The following CAPNS1 variants were observed in gnomAD, a reference collection of about 807,000 sequenced individuals.
The protein encoded by CAPNS1 is CANP small subunit.
CAPNS1 carries 32 observed loss-of-function variants against 39.2 expected under a neutral mutation model. The ratio of observed to expected loss-of-function variants is 0.82; its 90% CI spans 0.62 to 1.10. The LOEUF is 1.10. Among genes scored for constraint, CAPNS1 ranks in the 50% least tolerant of loss-of-function variants. The pLI, the probability that CAPNS1 is intolerant of heterozygous loss-of-function variation, is 0.00. For synonymous variants in CAPNS1, 153 were observed against 136.2 expected (o/e 1.12, Z -0.86); for missense variants, 353 against 373.1 (o/e 0.95, Z 0.44).
At chr19:36,141,729 T>A in intron 2 of CAPNS1, 1 of 487,174 alleles carries the variant, frequency 2.1e-6, no homozygotes, top group Non-Finnish European at 2.7e-6. Context: ...GGGAACTGGC[T>A]GGATTAATGG....
rs1057451123 is a variant in CAPNS1 at position 36,141,033 on chromosome 19, T to C, written c.22T>C (p.Leu8=). 6.3e-6 allele frequency: 10 copies of C among 1,588,300 alleles called. No individual in the cohort carries two copies. The African/African-American group carries it at 9.7e-5, about 15-fold the overall frequency. Residue 8 remains leucine (L), a synonymous_variant, in exon 2 of 11, where the codon TTG becomes CTG. Coordinates refer to ENST00000246533, the MANE Select transcript of CAPNS1 (RefSeq NM_001749.4). The part of the protein sequence containing the change: MFLVNSF[L]KGGGGGGGGG... ...AGCCATGTTCCTGGTTAACTCGTTC[T>C]TGAAGGGCGGCGGCGGCGGCGGCGG...
At chr19:36,146,489 G>A (rs1234459783) in intron 9 of CAPNS1, among the ~76,000 whole-genome samples, 177 bp downstream of exon 9, 2 of 152,210 alleles carry the variant, frequency 1.3e-5, no homozygotes, top group Non-Finnish European at 2.9e-5. Context: ...CAAGTCCCCA[G>A]ACAGTGACAG....
At chr19:36,145,203 C>CTCTTT (rs1974520091) in intron 6 of CAPNS1, among the ~76,000 whole-genome samples, 2 of 118,296 alleles carry the variant, frequency 1.7e-5, no homozygotes, top group African/African-American at 6.5e-5. Context: ...TTTTCTTTCT[C>CTCTTT]TTTTTTTTTT....
At position 36,142,288 on chromosome 19, in the gene CAPNS1, ATC is replaced by A; in HGVS notation, c.210-8_210-7del. 8 of 1,532,200 alleles carry A rather than the reference ATC, an allele frequency of 5.2e-6. No homozygotes were observed. The highest frequency in any genetic ancestry group is 5.3e-6 in the Non-Finnish European group (6 of 1,127,130). 94.9% of individuals were successfully genotyped at this position (1,532,200 alleles called of 1,614,324 possible). The stretch of plus-strand genomic sequence containing the variant: ...CCCCTGGCACTAACCCCTCCCCCTT[ATC>A]TCTTCGCAGCGAGGCGGCTGCGCAG... On this transcript the variant is annotated splice_polypyrimidine_tract_variant and intron_variant, in intron 2 of 10. Transcript: ENST00000246533.
intron 9 of CAPNS1, among the ~76,000 whole-genome samples, chr19:36,147,840 A>C (rs868573080): frequency 6.6e-6 from 1 of 151,812 alleles, no homozygotes; most frequent in Admixed American, 6.6e-5. Flanking sequence ...TGGGAGGCTG[A>C]GGTGGGCGTA....
chr19:36,146,635 A>G (rs1200481435), intron 9 of CAPNS1, among the ~76,000 whole-genome samples: 1 of 152,114 alleles, frequency 6.6e-6, no homozygotes. Context: ...TGCTTGGGGA[A>G]GCCTAGAGGG....
At position 36,149,882 on chromosome 19, in the gene CAPNS1, G is replaced by C. The variant is rs1974715409; in HGVS notation, c.*43G>C. 2 of 1,402,026 alleles carry C rather than the reference G, an allele frequency of 1.4e-6. No homozygotes were observed. Among genetic ancestry groups the C allele is most frequent in the Non-Finnish European group, 1.9e-6 (2 of 1,069,768 alleles). The allele number at this position is 1,402,026 out of a possible 1,614,324, so 86.8% of individuals were successfully genotyped here. A position where few individuals can be genotyped will look rare whatever the true frequency, so the allele number is the denominator to read the frequency against. The stretch of plus-strand genomic sequence containing the variant: ...GCCCCCTCACTGCCTTGCTATAGGA[G>C]TCACCTGGAGCCTCGGTCTCTCCCA... On this transcript the variant is annotated 3_prime_UTR_variant, in exon 11 of 11. Coordinates refer to ENST00000246533, the MANE Select transcript of CAPNS1 (RefSeq NM_001749.4).
chr19:36,146,816 G>A (rs1304606057), intron 9 of CAPNS1, among the ~76,000 whole-genome samples: 5 of 151,842 alleles, frequency 3.3e-5, no homozygotes, highest in Non-Finnish European at 7.4e-5. Context: ...AAAGAAGATG[G>A]GGCTTCTGAT....
In CAPNS1 at chr19:36,146,224, C is replaced by T; in HGVS notation, c.633C>T (p.Asn211=). ...TCCACCTGAATGAGCATCTCTATAA[C>T]ATGATCATCCGACGCTACTCAGATG... ...AGFHLNEHLY[N]MIIRRYSDES... is the part of the protein sequence containing the mutation. The change falls in exon 9 of 11, where the codon AAC becomes AAT. Residue 211 remains asparagine (N), a synonymous_variant. Coordinates refer to ENST00000246533, the MANE Select transcript of CAPNS1 (RefSeq NM_001749.4). The T allele has an allele frequency of 1.2e-6, 2 of 1,613,510 alleles. No individual in the cohort carries two copies. The highest frequency in any genetic ancestry group is 1.1e-5 in the South Asian group (1 of 91,056).
In CAPNS1 at chr19:36,142,752, T is replaced by G; in HGVS notation, c.333+11T>G. 1 of 1,611,696 alleles carries G rather than the reference T, an allele frequency of 6.2e-7. No homozygotes were observed. Among genetic ancestry groups the G allele is most frequent in the Non-Finnish European group, 8.5e-7 (1 of 1,177,778 alleles). On this transcript the variant is annotated intron_variant, in intron 4 of 10. Coordinates refer to ENST00000246533, the MANE Select transcript of CAPNS1 (RefSeq NM_001749.4). ...CAGCTGGCTGGAGATGTAAGTAACC[T>G]GGGGTCCCTGGCCCCGTCCTAACCG...
intron 9 of CAPNS1, among the ~76,000 whole-genome samples, chr19:36,147,025 T>G (rs1974593050): frequency 6.6e-6 from 1 of 152,136 alleles, no homozygotes; most frequent in Non-Finnish European, 1.5e-5. Flanking sequence ...TTAAAATTTT[T>G]TGTAGAGACA....
intron 9 of CAPNS1, among the ~76,000 whole-genome samples, chr19:36,149,185 T>C (rs1188796418): frequency 6.6e-6 from 1 of 152,242 alleles, no homozygotes; most frequent in Non-Finnish European, 1.5e-5. Flanking sequence ...ACCTGGGGCA[T>C]GGCCCCTCCC....
At chr19:36,143,261 G>T (rs1974445895) in intron 6 of CAPNS1, 133 bp downstream of exon 6, 1 of 797,184 alleles carries the variant, frequency 1.3e-6, no homozygotes, top group African/African-American at 1.7e-5. Context: ...GTCACCTGCA[G>T]ACATGTGGCG....
rs754720342 is a variant in CAPNS1, at chr19:36,142,674, A to T, written c.266A>T (p.Asn89Ile). ...EPPPPRTHYS[N>I]IEANESEEVR... Reference sequence around the variant, plus strand: ...CAGCCCCCACGCACACATTACTCCAACATTGAGGCCAACGAGAGTGAGGAG... The same window carrying T: ...CAGCCCCCACGCACACATTACTCCATCATTGAGGCCAACGAGAGTGAGGAG... Residue 89 changes from asparagine (N) to isoleucine (I), a missense_variant, in exon 4 of 11, where the codon AAC becomes ATC. Transcript: ENST00000246533. 3 of 1,613,962 alleles carry T rather than the reference A, an allele frequency of 1.9e-6. No homozygotes were observed. Among genetic ancestry groups the T allele is most frequent in the Non-Finnish European group, 2.5e-6 (3 of 1,179,956 alleles).
chr19:36,145,533 C>T (rs984745243), intron 6 of CAPNS1: 6 of 382,430 alleles, frequency 1.6e-5, no homozygotes, highest in Non-Finnish European at 2.9e-5. Flanking sequence ...GAGCAATTAA[C>T]AACTCTTCAG....
At chr19:36,149,784 G>A in intron 10 of CAPNS1, 29 bp from the exon 11 acceptor site, 2 of 1,564,900 alleles carry the variant, frequency 1.3e-6, no homozygotes, top group Non-Finnish European at 1.7e-6. Flanking sequence ...GGGGTTCCCT[G>A]TCCTCACTCT....
chr19:36,144,406 C>T (rs967427801), intron 6 of CAPNS1, among the ~76,000 whole-genome samples: 1 of 151,966 alleles, frequency 6.6e-6, no homozygotes, highest in African/African-American at 2.4e-5. Context: ...CAGCCACATG[C>T]GCATATACAC....
chr19:36,142,231 T>C (rs1458727152), intron 2 of CAPNS1, 69 bp from the exon 3 acceptor site: 4 of 905,058 alleles, frequency 4.4e-6, no homozygotes, highest in Non-Finnish European at 5.6e-6. Context: ...TTGGGGCTGA[T>C]GGTTCTGTAG....
rs1464533589 is a variant in CAPNS1, at chr19:36,141,326, A to G, written c.209+106A>G. On this transcript the variant is annotated intron_variant, in intron 2 of 10. Coordinates refer to ENST00000246533, the MANE Select transcript of CAPNS1 (RefSeq NM_001749.4). ...TAAAAATAGAATAGGATTAACCTGGAGGCTAACCTGGGTACATGAATTAGG... is the reference window on the plus strand; with the variant it reads ...TAAAAATAGAATAGGATTAACCTGGGGGCTAACCTGGGTACATGAATTAGG... 3 of 1,396,718 alleles carry G rather than the reference A, an allele frequency of 2.1e-6. No individual in the cohort carries two copies. In the African/African-American group the frequency reaches 4.6e-5, roughly 21 times the overall value. The allele number at this position is 1,396,718 out of a possible 1,614,324, so 86.5% of individuals were successfully genotyped here. A position where few individuals can be genotyped will look rare whatever the true frequency, so the allele number is the denominator to read the frequency against.
Sources: gnomAD v4.1 joint callset for allele counts (sites outside exome capture counted in the v4.1 genomes callset) on GRCh38, gnomAD v4.1.1 for gene constraint, MANE v1.5 for transcripts, NCBI Gene and HGNC (gene_info 2026-07-23, HGNC 2026-07-21) for gene names.